Variants in MPP7 observed in about 807,000 individuals in gnomAD.
MPP7 encodes MAGUK p55 scaffold protein 7, also known as MAGUK p55 subfamily member 7.
MPP7 carries 60 observed loss-of-function variants against 76.5 expected under a neutral mutation model. That is an observed-to-expected ratio of 0.78 (90% confidence interval 0.64 to 0.97). The LOEUF is 0.97. Among genes scored for constraint, MPP7 ranks in the 50% least tolerant of loss-of-function variants. MPP7 has a pLI of 0.00. For missense variants in MPP7, 641 were observed against 694.0 expected, an observed-to-expected ratio of 0.92 and a Z score of 0.86; for synonymous variants, 237 against 244.5, an observed-to-expected ratio of 0.97 and a Z score of 0.29.
intron 2 of MPP7, among the ~76,000 whole-genome samples, chr10:28,237,627 T>C (rs1431547096): frequency 6.6e-6 from 1 of 152,208 alleles, no homozygotes; most frequent in Non-Finnish European, 1.5e-5. Context: ...TCGGTGTTTT[T>C]GAGATTATAG....
At chr10:28,301,654 A>G (rs1160764265) in intron 1 of MPP7, among the ~76,000 whole-genome samples, 1 of 152,210 alleles carries the variant, frequency 6.6e-6, no homozygotes, top group Non-Finnish European at 1.5e-5. Context: ...TTTCATTTCT[A>G]GGGCTTTCAG....
intron 11 of MPP7, among the ~76,000 whole-genome samples, chr10:28,115,017 T>C (rs966778633): frequency 3.9e-5 from 6 of 152,244 alleles, no homozygotes; most frequent in Admixed American, 6.5e-5. Flanking sequence ...ACCCAAACTC[T>C]GAACTCTGGC....
At chr10:28,304,228 A>G (rs1298367578), upstream of MPP7, among the ~76,000 whole-genome samples, 1 of 152,192 alleles carries the variant, frequency 6.6e-6, no homozygotes, top group Non-Finnish European at 1.5e-5. Context: ...CTAGAAGGCA[A>G]GAAGCATTTC....
At chr10:28,231,078 T>C (rs1838866338) in intron 2 of MPP7, among the ~76,000 whole-genome samples, 1 of 151,832 alleles carries the variant, frequency 6.6e-6, no homozygotes, top group Non-Finnish European at 1.5e-5. Flanking sequence ...ATTAACCATA[T>C]GTCTAAGCCA....
upstream of MPP7, among the ~76,000 whole-genome samples, chr10:28,306,688 A>C (rs1314065712): frequency 3.7e-5 from 2 of 53,646 alleles, no homozygotes; most frequent in Non-Finnish European, 8.3e-5. Flanking sequence ...GAGAGAGATG[A>C]TAGATAATAG....
In MPP7 at chr10:28,120,674, A is replaced by G; in HGVS notation, c.616-6T>C. 1 of 1,611,342 alleles carries G rather than the reference A, an allele frequency of 6.2e-7. No individual in the cohort carries two copies. Among genetic ancestry groups the G allele is most frequent in the Non-Finnish European group, 8.5e-7 (1 of 1,177,786 alleles). On this transcript the variant is annotated splice_polypyrimidine_tract_variant and splice_region_variant and intron_variant, in intron 8 of 16. Transcript: ENST00000683449. ...ATTGCTCCCTGAGACTGAGCCTGGT[A>G]ACAGATAAAACAAGGAGTTATAAGA... is the stretch of plus-strand genomic sequence containing the variant.
At chr10:28,247,539 C>T (rs1219469519) in intron 1 of MPP7, among the ~76,000 whole-genome samples, 1 of 152,066 alleles carries the variant, frequency 6.6e-6, no homozygotes, top group East Asian at 1.9e-4. Context: ...ACACAAACAA[C>T]TTTATATTAA....
At chr10:28,069,213 G>A (rs1852111967) in intron 13 of MPP7, among the ~76,000 whole-genome samples, 1 of 152,158 alleles carries the variant, frequency 6.6e-6, no homozygotes, top group Non-Finnish European at 1.5e-5. Flanking sequence ...TTAAAATAAT[G>A]AGTGTAATTG....
intron 1 of MPP7, among the ~76,000 whole-genome samples, chr10:28,239,714 A>G (rs2132754263): frequency 6.6e-6 from 1 of 152,324 alleles, no homozygotes; most frequent in African/African-American, 2.4e-5. Flanking sequence ...TTATCCTCAA[A>G]TAAGCAGTAA....
intron 3 of MPP7, among the ~76,000 whole-genome samples, chr10:28,191,266 G>C (rs950808606): frequency 1.3e-5 from 2 of 152,086 alleles, no homozygotes; most frequent in East Asian, 3.9e-4. Flanking sequence ...ATAGCAAGCA[G>C]AGTATACTTC....
chr10:28,176,188 A>G (rs2133887602), intron 3 of MPP7, among the ~76,000 whole-genome samples: 1 of 152,240 alleles, frequency 6.6e-6, no homozygotes, highest in East Asian at 1.9e-4. Flanking sequence ...CAGGGGGCAG[A>G]GGGTGCAGTG....
At chr10:28,206,390 G>A (rs1452590638) in intron 2 of MPP7, among the ~76,000 whole-genome samples, 1 of 152,054 alleles carries the variant, frequency 6.6e-6, no homozygotes, top group Non-Finnish European at 1.5e-5. Flanking sequence ...CATTTAATGT[G>A]ACAATGAAAT....
chr10:28,243,553 A>G (rs1839341048), intron 1 of MPP7, among the ~76,000 whole-genome samples: 1 of 152,208 alleles, frequency 6.6e-6, no homozygotes, highest in Non-Finnish European at 1.5e-5. Flanking sequence ...TAAAGTTCCA[A>G]TACAATAATT....
At chr10:28,116,907 A>T (rs1834678989) in intron 11 of MPP7, among the ~76,000 whole-genome samples, 1 of 152,150 alleles carries the variant, frequency 6.6e-6, no homozygotes, top group Non-Finnish European at 1.5e-5. Flanking sequence ...GCTAGTTTCA[A>T]AGCCTAAAGA....
At chr10:28,233,156 C>T (rs1282840050) in intron 2 of MPP7, among the ~76,000 whole-genome samples, 1 of 152,198 alleles carries the variant, frequency 6.6e-6, no homozygotes, top group Non-Finnish European at 1.5e-5. Flanking sequence ...TATTGGTACA[C>T]GTACACTGGG....
rs1044195775 is a variant in MPP7 at position 28,156,043 on chromosome 10, TA to T, written c.157-5985del. Among the ~76,000 whole-genome samples, 6 of 152,036 alleles carry T rather than the reference TA, an allele frequency of 3.9e-5. No individual in the cohort carries two copies. In the East Asian group the frequency reaches 5.8e-4, roughly 15 times the overall value. ...TCTCCATAGAGAAAAGGAAAAGCAC[TA>T]AAAAAAATGAAGAATTTATAGTATT... On this transcript the variant is annotated intron_variant, in intron 3 of 16. Transcript: ENST00000683449.
chr10:28,077,082 C>CAA (rs10577715), intron 12 of MPP7, among the ~76,000 whole-genome samples: 5,889 of 107,048 alleles, frequency 0.055, 141 homozygotes, highest in Middle Eastern at 0.15. Flanking sequence ...TCTCTAACTA[C>CAA]AAAAAAAAAA....
chr10:28,260,868 C>A (rs1839929309), intron 1 of MPP7, among the ~76,000 whole-genome samples: 2 of 151,578 alleles, frequency 1.3e-5, no homozygotes, highest in African/African-American at 4.9e-5. Context: ...CTACATGATG[C>A]ATTTCAACTC....
At chr10:28,287,940 T>A (rs1275532046) in intron 1 of MPP7, among the ~76,000 whole-genome samples, 1 of 152,156 alleles carries the variant, frequency 6.6e-6, no homozygotes, top group African/African-American at 2.4e-5. Context: ...CTTGCAGAGT[T>A]TGATGTAGCA....
Sources: allele counts gnomAD v4.1 joint callset (sites outside exome capture counted in the v4.1 genomes callset), GRCh38; gene constraint gnomAD v4.1.1; transcripts MANE v1.5; gene names NCBI Gene and HGNC (gene_info 2026-07-23, HGNC 2026-07-21).